The following PTPRD variants were observed in gnomAD, a reference collection of about 807,000 sequenced individuals.
PTPRD encodes receptor-type tyrosine-protein phosphatase delta.
PTPRD carries 34 observed loss-of-function variants against 214.5 expected under a neutral mutation model. The observed-to-expected ratio is 0.16, with a 90% CI of 0.12 to 0.21. PTPRD has a LOEUF of 0.21. PTPRD is among the 10% of genes least tolerant of loss of function. PTPRD has a pLI of 1.00. For missense variants in PTPRD, 2,545 were observed against 2,398.7 expected, an observed-to-expected ratio of 1.06 and a Z score of -1.27; for synonymous variants, 1,128 against 845.7, an observed-to-expected ratio of 1.33 and a Z score of -5.79.
At chr9:8,848,216 T>G (rs2097738257) in intron 11 of PTPRD, among the ~76,000 whole-genome samples, 1 of 151,806 alleles carries the variant, frequency 6.6e-6, no homozygotes. Context: ...AAAAAATGTT[T>G]TTTTCAATGC....
chr9:9,328,158 A>T (rs1394779163), intron 9 of PTPRD, among the ~76,000 whole-genome samples: 1 of 152,158 alleles, frequency 6.6e-6, no homozygotes, highest in Non-Finnish European at 1.5e-5. Context: ...CAAAAATTTA[A>T]AAGTTAGCAA....
At chr9:8,891,795 A>T (rs543107435) in intron 11 of PTPRD, among the ~76,000 whole-genome samples, 2 of 152,300 alleles carry the variant, frequency 1.3e-5, no homozygotes, top group African/African-American at 4.8e-5. Context: ...GAACCACTGG[A>T]AGCAAAATAA....
intron 17 of PTPRD, 104 bp from the exon 18 acceptor site, chr9:8,525,139 G>T (rs200358210): frequency 6.4e-5 from 62 of 962,976 alleles, no homozygotes; most frequent in Middle Eastern, 2.0e-4. Context: ...CAAAGCGAAG[G>T]TCCACTCAAC....
intron 10 of PTPRD, among the ~76,000 whole-genome samples, chr9:9,142,971 G>A (rs892222199): frequency 6.6e-6 from 1 of 152,024 alleles, no homozygotes; most frequent in Non-Finnish European, 1.5e-5. Flanking sequence ...GACCCTACCT[G>A]TACCCCTCAG....
At chr9:9,644,866 C>A (rs966715288) in intron 7 of PTPRD, among the ~76,000 whole-genome samples, 1 of 152,164 alleles carries the variant, frequency 6.6e-6, no homozygotes, top group African/African-American at 2.4e-5. Flanking sequence ...CACTTCACCC[C>A]CTTTCCAGCT....
At chr9:9,480,255 T>C (rs2147059675) in intron 8 of PTPRD, among the ~76,000 whole-genome samples, 1 of 152,298 alleles carries the variant, frequency 6.6e-6, no homozygotes, top group African/African-American at 2.4e-5. Context: ...TCTTAAATCA[T>C]ATGCTGACAT....
chr9:8,741,536 T>C (rs944083880), intron 11 of PTPRD, among the ~76,000 whole-genome samples: 3 of 147,854 alleles, frequency 2.0e-5, no homozygotes, highest in Non-Finnish European at 3.0e-5. Flanking sequence ...AAACAGAACA[T>C]GGATTCTATT....
chr9:9,844,256 A>G (rs1223281660), intron 5 of PTPRD, among the ~76,000 whole-genome samples: 1 of 152,026 alleles, frequency 6.6e-6, no homozygotes, highest in Non-Finnish European at 1.5e-5. Context: ...ACTTTCTGTA[A>G]TAATTATCAC....
At chr9:9,227,167 C>G (rs1365762156) in intron 9 of PTPRD, among the ~76,000 whole-genome samples, 2 of 152,020 alleles carry the variant, frequency 1.3e-5, no homozygotes, top group Non-Finnish European at 2.9e-5. Flanking sequence ...TTCTACCATC[C>G]CCGAAGTACA....
intron 8 of PTPRD, among the ~76,000 whole-genome samples, chr9:9,398,119 C>T (rs956833388): frequency 2.1e-5 from 3 of 144,248 alleles, no homozygotes; most frequent in African/African-American, 7.5e-5. Context: ...CCCTGCTTCT[C>T]TTTCTCCCTT....
chr9:9,960,693 G>C (rs916377114), intron 4 of PTPRD, among the ~76,000 whole-genome samples: 1 of 152,132 alleles, frequency 6.6e-6, no homozygotes, highest in Admixed American at 6.6e-5. Flanking sequence ...CTGCAAAATA[G>C]TTGAGCAATA....
At chr9:8,897,516 C>G (rs547122375) in intron 11 of PTPRD, among the ~76,000 whole-genome samples, 2 of 152,282 alleles carry the variant, frequency 1.3e-5, no homozygotes, top group South Asian at 4.1e-4. Flanking sequence ...AGATTTTGAA[C>G]CTGGACCTAG....
At chr9:8,879,987 G>T (rs2098428633) in intron 11 of PTPRD, among the ~76,000 whole-genome samples, 1 of 152,162 alleles carries the variant, frequency 6.6e-6, no homozygotes, top group Admixed American at 6.5e-5. Flanking sequence ...CCTTAAGTCA[G>T]AGTTTTCAAT....
At position 9,002,711 on chromosome 9, in the gene PTPRD, T is replaced by C. The variant is rs184653658; in HGVS notation, c.-104+15986A>G. Among the ~76,000 whole-genome samples the C allele has an allele frequency of 6.8e-4, 104 of 152,180 alleles. 1 individual carries two copies. Among genetic ancestry groups the C allele is most frequent in the African/African-American group, 2.4e-3 (99 of 41,538 alleles). On this transcript the variant is annotated intron_variant, in intron 11 of 45. Transcript: ENST00000381196. ...GGTTACTGGGCTTCCGCCTACTTCTTTGCACCCAAATTTGTGTCTTAGAAA... is the reference window on the plus strand; with the variant it reads ...GGTTACTGGGCTTCCGCCTACTTCTCTGCACCCAAATTTGTGTCTTAGAAA...
At chr9:9,624,211 T>C (rs2095342587) in intron 7 of PTPRD, among the ~76,000 whole-genome samples, 1 of 152,178 alleles carries the variant, frequency 6.6e-6, no homozygotes, top group South Asian at 2.1e-4. Context: ...CTATTAACTC[T>C]GCTACTTTCC....
chr9:8,892,514 T>C (rs1471398486), intron 11 of PTPRD, among the ~76,000 whole-genome samples: 1 of 146,234 alleles, frequency 6.8e-6, no homozygotes, highest in Admixed American at 6.7e-5. Flanking sequence ...CAAAGTTGAA[T>C]ATATATATAT....
intron 2 of PTPRD, among the ~76,000 whole-genome samples, chr9:10,536,881 T>C (rs1471737892): frequency 6.6e-6 from 1 of 152,180 alleles, no homozygotes; most frequent in Non-Finnish European, 1.5e-5. Context: ...TAATTAGTAA[T>C]TGGCAATGCT....
intron 2 of PTPRD, among the ~76,000 whole-genome samples, chr9:10,600,693 C>A (rs7874744): frequency 6.6e-6 from 1 of 151,702 alleles, no homozygotes; most frequent in Non-Finnish European, 1.5e-5. Context: ...GAAAACTGAT[C>A]AATTTGTTGT....
At chr9:9,274,028 T>C (rs1342473854) in intron 9 of PTPRD, among the ~76,000 whole-genome samples, 1 of 151,292 alleles carries the variant, frequency 6.6e-6, no homozygotes, top group African/African-American at 2.4e-5. Context: ...TCCAACAAAA[T>C]GAAACTGCCT....
Sources: allele counts gnomAD v4.1 joint callset (sites outside exome capture counted in the v4.1 genomes callset), GRCh38; gene constraint gnomAD v4.1.1; transcripts MANE v1.5; gene names NCBI Gene and HGNC (gene_info 2026-07-23, HGNC 2026-07-21).